The following IGF1R variants were observed in gnomAD, a reference collection of about 807,000 sequenced individuals.
The protein encoded by IGF1R is insulin-like growth factor 1 receptor.
Under a neutral mutation model 144.6 loss-of-function variants are expected in IGF1R, and 44 were observed. That is an observed-to-expected ratio of 0.30 (90% CI 0.24 to 0.39). IGF1R has a LOEUF of 0.39. Among genes scored for constraint, IGF1R ranks in the 10% least tolerant of loss-of-function variants. The probability of loss-of-function intolerance (pLI) is 1.00; values close to 1 mark genes in which losing one functional copy is unlikely to be tolerated. For synonymous variants in IGF1R, 795 were observed against 722.8 expected (o/e 1.10, Z -1.60); for missense variants, 1,355 against 1,833.7 (o/e 0.74, Z 4.77).
chr15:98,904,265 T>A (rs7171399), intron 5 of IGF1R, among the ~76,000 whole-genome samples: 1 of 151,710 alleles, frequency 6.6e-6, no homozygotes, highest in Non-Finnish European at 1.5e-5. Context: ...TGTTAGCCAG[T>A]ATGGTCTCGA....
At chr15:98,846,610 T>C (rs770649736) in intron 2 of IGF1R, among the ~76,000 whole-genome samples, 1 of 152,204 alleles carries the variant, frequency 6.6e-6, no homozygotes, top group Non-Finnish European at 1.5e-5. Flanking sequence ...CTCTGGTTCA[T>C]GCACACTGGT....
rs2052286279 is a variant in IGF1R at position 98,649,484 on chromosome 15, T to G, written c.-98T>G. On this transcript the variant is annotated 5_prime_UTR_variant, in exon 1 of 21. Coordinates refer to ENST00000650285, the MANE Select transcript of IGF1R (RefSeq NM_000875.5). ...TTGGAGGGGGAGCGAAGACTGAGTT[T>G]GAGACTTGTTTCCTTTCATTTCCTT... 1.6e-5 allele frequency: 14 copies of G among 860,698 alleles called. No individual in the cohort carries two copies. Among genetic ancestry groups the G allele is most frequent in the East Asian group, 2.7e-5 (1 of 37,692 alleles). 53.3% of individuals were successfully genotyped at this position (860,698 alleles called of 1,614,324 possible). A position where few individuals can be genotyped will look rare whatever the true frequency, so the allele number is the denominator to read the frequency against.
intron 2 of IGF1R, among the ~76,000 whole-genome samples, chr15:98,813,310 C>T (rs12443294): frequency 0.024 from 3,597 of 152,216 alleles, 64 homozygotes; most frequent in Non-Finnish European, 0.035. Flanking sequence ...AGGCCAGGCC[C>T]CTTACCACCT....
chr15:98,753,629 A>G (rs1232181716), intron 2 of IGF1R, among the ~76,000 whole-genome samples: 2 of 152,000 alleles, frequency 1.3e-5, no homozygotes, highest in Non-Finnish European at 2.9e-5. Context: ...ATTGGATTTT[A>G]TACAAAAGAA....
intron 2 of IGF1R, among the ~76,000 whole-genome samples, chr15:98,817,045 G>C (rs1024384336): frequency 6.6e-6 from 1 of 152,218 alleles, no homozygotes; most frequent in African/African-American, 2.4e-5. Flanking sequence ...GCTCACACCT[G>C]TAATCCCAGC....
intron 2 of IGF1R, among the ~76,000 whole-genome samples, chr15:98,733,037 T>A (rs2054529044): frequency 6.6e-6 from 1 of 152,142 alleles, no homozygotes; most frequent in Non-Finnish European, 1.5e-5. Context: ...TCTTTTAGAT[T>A]CTATAAGGAG....
At position 98,961,993 on chromosome 15, in the gene IGF1R, AT is replaced by A; in HGVS notation, c.*4554del. 1.7e-5 allele frequency: 4 copies of A among 233,308 alleles called. No individual in the cohort carries two copies. Among genetic ancestry groups the A allele is most frequent in the Non-Finnish European group, 3.4e-5 (4 of 118,060 alleles). 14.5% of individuals were successfully genotyped at this position (233,308 alleles called of 1,614,324 possible). A position where few individuals can be genotyped will look rare whatever the true frequency, so the allele number is the denominator to read the frequency against. ...ACATTGGGGTGCTTTGGGATAAAAG[AT>A]TTATGAGCCAACTATTCTCTGGCAC... is the stretch of plus-strand genomic sequence containing the variant. On this transcript the variant is annotated 3_prime_UTR_variant, in exon 21 of 21. Transcript: ENST00000650285.
At chr15:98,778,325 CAG>C (rs1017415658) in intron 2 of IGF1R, among the ~76,000 whole-genome samples, 2 of 152,208 alleles carry the variant, frequency 1.3e-5, no homozygotes, top group Non-Finnish European at 2.9e-5. Flanking sequence ...TTGAACAATT[CAG>C]AGTGCTTGAT....
chr15:98,957,774 T>C lies in IGF1R; in HGVS notation c.*332T>C. The stretch of plus-strand genomic sequence containing the variant: ...TGTCCTTCCCTGTTCTCCCTTTCTC[T>C]CTCCTCTCTGCTTCATAACGGAAAA... On this transcript the variant is annotated 3_prime_UTR_variant, in exon 21 of 21. Transcript: ENST00000650285. The C allele has an allele frequency of 2.5e-6, 1 of 394,770 alleles. No homozygotes were observed. The highest frequency in any genetic ancestry group is 4.6e-6 in the Non-Finnish European group (1 of 217,762). The allele number at this position is 394,770 out of a possible 1,614,324, so 24.5% of individuals were successfully genotyped here.
intron 2 of IGF1R, among the ~76,000 whole-genome samples, chr15:98,880,309 T>C (rs556342711): frequency 6.6e-6 from 1 of 152,332 alleles, no homozygotes; most frequent in Non-Finnish European, 1.5e-5. Context: ...TCAAAACCTC[T>C]ATTTAATAAT....
At chr15:98,831,508 C>T (rs538211876) in intron 2 of IGF1R, among the ~76,000 whole-genome samples, 21 of 152,276 alleles carry the variant, frequency 1.4e-4, no homozygotes, top group Middle Eastern at 3.4e-3. Flanking sequence ...TTCTCTTTGA[C>T]GGTGGAGGGT....
chr15:98,915,477 C>CA, intron 8 of IGF1R, among the ~76,000 whole-genome samples: 1 of 152,320 alleles, frequency 6.6e-6, no homozygotes, highest in Non-Finnish European at 1.5e-5. Context: ...TTCACACACA[C>CA]AGACTCTCCA....
At chr15:98,909,254 T>TTC (rs1555459633) in intron 6 of IGF1R, among the ~76,000 whole-genome samples, 3,595 of 118,620 alleles carry the variant, frequency 0.03, 199 homozygotes, top group African/African-American at 0.11. Context: ...TTTTTTTCTT[T>TTC]TTTTTTCTTT....
intron 2 of IGF1R, among the ~76,000 whole-genome samples, chr15:98,841,862 A>C (rs1378164961): frequency 2.0e-5 from 3 of 152,206 alleles, no homozygotes; most frequent in Non-Finnish European, 4.4e-5. Flanking sequence ...CTTACAAAGA[A>C]GTTCACCTAC....
intron 1 of IGF1R, among the ~76,000 whole-genome samples, chr15:98,676,462 C>G (rs1360627292): frequency 1.3e-5 from 2 of 152,094 alleles, no homozygotes; most frequent in African/African-American, 4.8e-5. Context: ...GCTGTCTTCT[C>G]CCACTGATTT....
intron 2 of IGF1R, among the ~76,000 whole-genome samples, chr15:98,840,873 G>T (rs903747499): frequency 3.3e-5 from 5 of 152,018 alleles, no homozygotes; most frequent in African/African-American, 9.7e-5. Context: ...TAGAGACGGG[G>T]TTTCACCATG....
At chr15:98,908,192 C>A (rs1435996425) in intron 5 of IGF1R, among the ~76,000 whole-genome samples, 3 of 152,232 alleles carry the variant, frequency 2.0e-5, no homozygotes, top group Admixed American at 6.5e-5. Context: ...TGACCCCCCA[C>A]AAGCTTGTCT....
At chr15:98,788,054 C>G (rs547475026) in intron 2 of IGF1R, among the ~76,000 whole-genome samples, 6,124 of 141,892 alleles carry the variant, frequency 0.043, 452 homozygotes, top group African/African-American at 0.15. Flanking sequence ...CTCTCTCTCT[C>G]TCTCTCTCTG....
rs1307066736 is a variant in IGF1R at position 98,891,381 on chromosome 15, C to T, written c.697C>T (p.Pro233Ser). The stretch of plus-strand genomic sequence containing the variant: ...CACCGAGAACAATGAGTGCTGCCAC[C>T]CCGAGTGCCTGGGCAGCTGCAGCGC... Reference protein sequence around the residue: ...ACTENNECCHPECLGSCSAPD... With the variant: ...ACTENNECCHSECLGSCSAPD... The change falls in exon 3 of 21, where the codon CCC (proline) becomes TCC (serine). Residue 233 changes from proline to serine, a missense_variant. Pro to Ser is a moderately conservative substitution (Grantham distance 74). Coordinates refer to ENST00000650285, the MANE Select transcript of IGF1R (RefSeq NM_000875.5). This position sits in a 1 kb window ranked among gnomAD's most constrained non-coding sequence, Gnocchi z 4.7. 1.2e-6 allele frequency: 2 copies of T among 1,611,784 alleles called. No homozygotes were observed. The highest frequency in any genetic ancestry group is 1.3e-5 in the African/African-American group (1 of 74,876).
Sources: gnomAD v4.1 joint callset for allele counts (sites outside exome capture counted in the v4.1 genomes callset) on GRCh38, gnomAD v4.1.1 for gene constraint, Gnocchi (gnomAD v3.1) non-coding constraint, MANE v1.5 for transcripts, NCBI Gene and HGNC (gene_info 2026-07-23, HGNC 2026-07-21) for gene names.